Variants in LRRTM4 observed in about 807,000 individuals in gnomAD.
LRRTM4 encodes the protein leucine rich repeat transmembrane neuronal 4.
LRRTM4 carries 25 observed loss-of-function variants against 47.6 expected under a neutral mutation model. The ratio of observed to expected loss-of-function variants is 0.53; its 90% confidence interval spans 0.38 to 0.73. The LOEUF (loss-of-function observed/expected upper bound fraction) is 0.73, where lower values mean the gene tolerates loss of function less well. LRRTM4 is among the 30% of genes least tolerant of loss of function. The probability of loss-of-function intolerance (pLI) is 0.00; values close to 1 mark genes in which losing one functional copy is unlikely to be tolerated. For synonymous variants in LRRTM4, 311 were observed against 269.5 expected (o/e 1.15, Z -1.51); for missense variants, 638 against 713.4 (o/e 0.89, Z 1.20).
At chr2:76,779,782 G>C (rs1273704880) in intron 3 of LRRTM4, among the ~76,000 whole-genome samples, 1 of 152,148 alleles carries the variant, frequency 6.6e-6, no homozygotes, top group African/African-American at 2.4e-5. Context: ...ATATTGTTTT[G>C]TGTGAATTTG....
chr2:76,811,188 G>A (rs183583427), intron 3 of LRRTM4, among the ~76,000 whole-genome samples: 1 of 152,098 alleles, frequency 6.6e-6, no homozygotes, highest in Non-Finnish European at 1.5e-5. Context: ...GCTGCAAAAG[G>A]TTATTACTAA....
intron 3 of LRRTM4, among the ~76,000 whole-genome samples, chr2:77,189,919 A>G (rs1485642559): frequency 6.6e-6 from 1 of 152,130 alleles, no homozygotes; most frequent in African/African-American, 2.4e-5. Context: ...AATACTTTAT[A>G]CTTGACTAAT....
intron 3 of LRRTM4, among the ~76,000 whole-genome samples, chr2:76,868,058 G>A (rs1483735408): frequency 2.0e-5 from 3 of 152,126 alleles, no homozygotes; most frequent in African/African-American, 7.2e-5. Flanking sequence ...TGTTGACTCA[G>A]ATGTTCCGTC....
intron 3 of LRRTM4, among the ~76,000 whole-genome samples, chr2:76,809,033 T>C (rs901852841): frequency 6.6e-5 from 10 of 152,154 alleles, no homozygotes; most frequent in Admixed American, 6.6e-4. Context: ...TTTACCCCAA[T>C]TATCTTTCTC....
intron 3 of LRRTM4, among the ~76,000 whole-genome samples, chr2:77,207,233 A>T (rs1013860075): frequency 6.8e-6 from 1 of 146,380 alleles, no homozygotes; most frequent in African/African-American, 2.5e-5. Context: ...ATATGTGTAT[A>T]TATATATACG....
intron 3 of LRRTM4, among the ~76,000 whole-genome samples, chr2:77,414,235 G>A (rs1170832353): frequency 6.6e-6 from 1 of 151,664 alleles, no homozygotes; most frequent in African/African-American, 2.4e-5. Context: ...AGATATTGAA[G>A]GCTTCCTAAG....
intron 3 of LRRTM4, among the ~76,000 whole-genome samples, chr2:77,237,456 A>G (rs1454490170): frequency 6.6e-6 from 1 of 152,024 alleles, no homozygotes; most frequent in Non-Finnish European, 1.5e-5. Context: ...CTTTTGAAGT[A>G]TATCTAACAG....
At chr2:77,020,102 C>G (rs990182999) in intron 3 of LRRTM4, among the ~76,000 whole-genome samples, 80 of 151,932 alleles carry the variant, frequency 5.3e-4, no homozygotes, top group African/African-American at 1.8e-3. Flanking sequence ...AAATGTGCTT[C>G]TTTTTGCTGT....
chr2:77,263,954 G>T (rs1675984727), intron 3 of LRRTM4, among the ~76,000 whole-genome samples: 1 of 151,650 alleles, frequency 6.6e-6, no homozygotes, highest in African/African-American at 2.4e-5. Context: ...AGACCTTCAG[G>T]TATTAAAGGA....
intron 3 of LRRTM4, among the ~76,000 whole-genome samples, chr2:76,941,658 C>T (rs181387943): frequency 3.3e-4 from 51 of 152,260 alleles, no homozygotes; most frequent in Admixed American, 2.4e-3. Flanking sequence ...CTTTATATGG[C>T]TGCATAGTAT....
chr2:76,978,883 G>A (rs1676505175), intron 3 of LRRTM4, among the ~76,000 whole-genome samples: 1 of 152,012 alleles, frequency 6.6e-6, no homozygotes, highest in African/African-American at 2.4e-5. Flanking sequence ...TGGGTCTGAG[G>A]TCTGAGGTTA....
chr2:76,784,871 A>C (rs1426185570), intron 3 of LRRTM4, among the ~76,000 whole-genome samples: 1 of 152,140 alleles, frequency 6.6e-6, no homozygotes, highest in Non-Finnish European at 1.5e-5. Context: ...CATGTAGTGA[A>C]TGCTTTGATC....
At chr2:76,780,388 T>C (rs1674303797) in intron 3 of LRRTM4, among the ~76,000 whole-genome samples, 1 of 152,192 alleles carries the variant, frequency 6.6e-6, no homozygotes. Context: ...CCCATCACTT[T>C]CAGGTACACC....
chr2:77,203,392 G>T (rs1162106795), intron 3 of LRRTM4, among the ~76,000 whole-genome samples: 2 of 152,034 alleles, frequency 1.3e-5, no homozygotes, highest in African/African-American at 2.4e-5. Flanking sequence ...TGGGTCACAT[G>T]GTCACTTTCG....
chr2:76,917,214 G>A (rs535767113), intron 3 of LRRTM4, among the ~76,000 whole-genome samples: 1 of 152,284 alleles, frequency 6.6e-6, no homozygotes, highest in South Asian at 2.1e-4. Context: ...TGGCTACATT[G>A]TTTTAAATCT....
chr2:77,256,002 T>C (rs1675754836), intron 3 of LRRTM4, among the ~76,000 whole-genome samples: 1 of 151,954 alleles, frequency 6.6e-6, no homozygotes, highest in Admixed American at 6.6e-5. Context: ...AGAAAACTGA[T>C]AAAATTGATA....
intron 3 of LRRTM4, among the ~76,000 whole-genome samples, chr2:76,926,024 A>G (rs1395980291): frequency 6.6e-6 from 1 of 152,160 alleles, no homozygotes; most frequent in Non-Finnish European, 1.5e-5. Context: ...TTTTCTTTCC[A>G]ACTGCTATGC....
chr2:77,474,964 A>G lies in LRRTM4; in HGVS notation c.1551+43354T>C, dbSNP rs114621265. On this transcript the variant is annotated intron_variant, in intron 3 of 3. Coordinates refer to ENST00000409884, the MANE Select transcript of LRRTM4 (RefSeq NM_001134745.3). ...ATATACAATTTTGCTCATCTAGAAG[A>G]TATCCACATGTCCAAACTCCACTTC... 8.1e-3 allele frequency among the ~76,000 whole-genome samples: 1,234 copies of G among 152,238 alleles called. 14 individuals carry two copies. Among genetic ancestry groups the G allele is most frequent in the African/African-American group, 0.026 (1,095 of 41,562 alleles).
At chr2:76,932,861 ATACTTT>A (rs1319084246) in intron 3 of LRRTM4, among the ~76,000 whole-genome samples, 1 of 152,070 alleles carries the variant, frequency 6.6e-6, no homozygotes, top group Admixed American at 6.6e-5. Context: ...AAATTTTATT[ATACTTT>A]AAGTTCTGGG....
Sources: gnomAD v4.1 joint callset for allele counts (sites outside exome capture counted in the v4.1 genomes callset) on GRCh38, gnomAD v4.1.1 for gene constraint, MANE v1.5 for transcripts, NCBI Gene and HGNC (gene_info 2026-07-23, HGNC 2026-07-21) for gene names.